Variants in CTNNA3 observed in about 807,000 individuals in gnomAD.
CTNNA3 encodes the protein catenin alpha-3.
A neutral mutation model predicts 95.7 loss-of-function variants in CTNNA3; 76 were observed. That is an observed-to-expected ratio of 0.79 (90% CI 0.66 to 0.96). The LOEUF (loss-of-function observed/expected upper bound fraction) is 0.96, where lower values mean the gene tolerates loss of function less well. Ranked by LOEUF, CTNNA3 falls within the 40% of genes least tolerant of loss-of-function variation. CTNNA3 has a pLI of 0.00. For missense variants in CTNNA3, 1,191 were observed against 1,089.8 expected (o/e 1.09, Z -1.31); for synonymous variants, 431 against 374.4 (o/e 1.15, Z -1.74).
chr10:67,359,239 TA>T (rs958948530), intron 5 of CTNNA3, among the ~76,000 whole-genome samples: 2,253 of 132,794 alleles, frequency 0.017, 14 homozygotes, highest in Middle Eastern at 0.023. Flanking sequence ...GACATAACTT[TA>T]AAAAAAAAAA....
intron 17 of CTNNA3, among the ~76,000 whole-genome samples, chr10:65,924,565 C>G (rs755029127): frequency 6.6e-6 from 1 of 152,128 alleles, no homozygotes; most frequent in Admixed American, 6.6e-5. Flanking sequence ...ATCATTCTAC[C>G]ATTTTGATAA....
chr10:66,824,553 G>A (rs1458570648), intron 7 of CTNNA3, among the ~76,000 whole-genome samples: 1 of 152,172 alleles, frequency 6.6e-6, no homozygotes, highest in Non-Finnish European at 1.5e-5. Flanking sequence ...AGGGGAATAT[G>A]AGGCTTACTG....
At chr10:66,355,318 G>A (rs950846010) in intron 12 of CTNNA3, among the ~76,000 whole-genome samples, 2 of 151,836 alleles carry the variant, frequency 1.3e-5, no homozygotes, top group African/African-American at 2.4e-5. Flanking sequence ...GGTCACATTG[G>A]GAAAATTATT....
intron 7 of CTNNA3, among the ~76,000 whole-genome samples, chr10:66,900,476 A>G (rs1425524183): frequency 6.6e-6 from 1 of 152,240 alleles, no homozygotes; most frequent in African/African-American, 2.4e-5. Context: ...CCCCCAGAGG[A>G]TCACAGCTCC....
intron 10 of CTNNA3, among the ~76,000 whole-genome samples, chr10:66,552,669 A>G (rs1029123315): frequency 7.3e-5 from 11 of 151,352 alleles, no homozygotes; most frequent in Admixed American, 2.0e-4. Flanking sequence ...GATTTTGTAT[A>G]TGTGTTTATT....
chr10:67,134,055 T>G (rs1860170525), intron 7 of CTNNA3, among the ~76,000 whole-genome samples: 1 of 152,130 alleles, frequency 6.6e-6, no homozygotes, highest in Non-Finnish European at 1.5e-5. Flanking sequence ...TGTTACACAG[T>G]TAGTCAGTAG....
At position 67,019,767 on chromosome 10, in the gene CTNNA3, C is replaced by T. The variant is rs540791300; in HGVS notation, c.1047+160550G>A. Among the ~76,000 whole-genome samples, 7 of 152,216 alleles carry T rather than the reference C, an allele frequency of 4.6e-5. No homozygotes were observed. In the South Asian group the frequency reaches 1.5e-3, roughly 32 times the overall value. ...CCTTTGTCTCCATGAATACCATCTA[C>T]CCTGTTTGTCCTATTTGACTTTTGA... On this transcript the variant is annotated intron_variant, in intron 7 of 17. Coordinates refer to ENST00000433211, the MANE Select transcript of CTNNA3 (RefSeq NM_013266.4).
At chr10:66,455,892 CA>C (rs2093492042) in intron 11 of CTNNA3, among the ~76,000 whole-genome samples, 1 of 152,142 alleles carries the variant, frequency 6.6e-6, no homozygotes, top group South Asian at 2.1e-4. Context: ...CAACATACAA[CA>C]AAACAATTTT....
chr10:66,481,662 G>A lies in CTNNA3; in HGVS notation c.1531+38955C>T, dbSNP rs561768496. On this transcript the variant is annotated intron_variant, in intron 11 of 17. Coordinates refer to ENST00000433211, the MANE Select transcript of CTNNA3 (RefSeq NM_013266.4). ...AATTTTTTGTATTTTTAGTAGAGAC[G>A]GGGTTTCACCGTGTTAGCCAGGATG... Among the ~76,000 whole-genome samples, 95 of 136,584 alleles carry A rather than the reference G, an allele frequency of 7.0e-4. 3 individuals are homozygous for A. Among genetic ancestry groups the A allele is most frequent in the Non-Finnish European group, 1.0e-3 (67 of 66,020 alleles). The allele number at this position is 136,584 out of a possible 152,430, so 89.6% of individuals were successfully genotyped here.
chr10:66,049,740 G>T (rs1398376373), intron 15 of CTNNA3, among the ~76,000 whole-genome samples: 3 of 152,014 alleles, frequency 2.0e-5, no homozygotes, highest in South Asian at 2.1e-4. Flanking sequence ...GGAGTTAAAT[G>T]GTAAGAACTT....
In CTNNA3 at chr10:65,916,308, G is replaced by C. The variant is rs1005570699; in HGVS notation, c.*4022C>G. ...TTCCTAAATATACAATAGGCAGGCT[G>C]TCTTGGCAAAAAATAGGCCAACAAA... On this transcript the variant is annotated 3_prime_UTR_variant, in exon 18 of 18. Coordinates refer to ENST00000433211, the MANE Select transcript of CTNNA3 (RefSeq NM_013266.4). The C allele has an allele frequency of 4.6e-5, 7 of 152,066 alleles. No homozygotes were observed. The highest frequency in any genetic ancestry group is 1.0e-4 in the Non-Finnish European group (7 of 68,008). 9.4% of individuals were successfully genotyped at this position (152,066 alleles called of 1,614,324 possible).
At chr10:66,300,206 A>T (rs1019303687) in intron 12 of CTNNA3, among the ~76,000 whole-genome samples, 8 of 152,126 alleles carry the variant, frequency 5.3e-5, no homozygotes, top group South Asian at 2.1e-4. Context: ...ATGAGGAAAA[A>T]TTTTTTAAAA....
In CTNNA3 at chr10:66,998,282, C is replaced by CAT. The variant is rs201445936; in HGVS notation, c.1047+182033_1047+182034dup. Among the ~76,000 whole-genome samples the CAT allele has an allele frequency of 9.0e-3, 1,373 of 152,272 alleles. 20 individuals carry two copies. Among genetic ancestry groups the CAT allele is most frequent in the African/African-American group, 0.031 (1,288 of 41,570 alleles). ...GCCTCCTTACTCTATGTTTACTTAG[C>CAT]ATACACTGTTGTTTTAGTACTAGTT... On this transcript the variant is annotated intron_variant, in intron 7 of 17. Transcript: ENST00000433211.
intron 7 of CTNNA3, among the ~76,000 whole-genome samples, chr10:66,874,967 C>T (rs886072482): frequency 1.2e-4 from 19 of 152,116 alleles, no homozygotes; most frequent in African/African-American, 2.9e-4. Flanking sequence ...CCAAGGTTCA[C>T]GCAAACAAAC....
At chr10:66,156,252 C>T (rs991670453) in intron 13 of CTNNA3, among the ~76,000 whole-genome samples, 4 of 151,758 alleles carry the variant, frequency 2.6e-5, no homozygotes, top group African/African-American at 4.8e-5. Flanking sequence ...AGCTTGCAAC[C>T]GACTAAAGAA....
At chr10:66,763,327 C>T (rs533411045) in intron 9 of CTNNA3, among the ~76,000 whole-genome samples, 3 of 109,120 alleles carry the variant, frequency 2.7e-5, no homozygotes, top group South Asian at 7.1e-4. Flanking sequence ...CACACACACA[C>T]ACACACACAC....
intron 5 of CTNNA3, among the ~76,000 whole-genome samples, chr10:67,464,873 A>AG (rs532765647): frequency 1.4e-5 from 2 of 146,576 alleles, no homozygotes; most frequent in East Asian, 4.5e-4. Context: ...AGAAAAAAAA[A>AG]AAAGAAAAAG....
intron 12 of CTNNA3, among the ~76,000 whole-genome samples, chr10:66,302,287 A>C (rs2091873311): frequency 6.6e-6 from 1 of 152,040 alleles, no homozygotes; most frequent in South Asian, 2.1e-4. Context: ...ATCCCTATCA[A>C]AATTCCAGCC....
chr10:66,148,504 T>C lies in CTNNA3; in HGVS notation c.1885-45255A>G, dbSNP rs566467415. Among the ~76,000 whole-genome samples the C allele has an allele frequency of 5.9e-5, 9 of 152,214 alleles. 1 individual carries two copies. In the South Asian group the frequency reaches 1.9e-3, roughly 32 times the overall value. On this transcript the variant is annotated intron_variant, in intron 13 of 17. Transcript: ENST00000433211. ...GCCCTCGAGGATGGGATTAGTGCCC[T>C]TATCAAAGTGACTGAAGGAGTCCCT...
Sources: gnomAD v4.1 joint callset for allele counts (sites outside exome capture counted in the v4.1 genomes callset) on GRCh38, gnomAD v4.1.1 for gene constraint, MANE v1.5 for transcripts, NCBI Gene and HGNC (gene_info 2026-07-23, HGNC 2026-07-21) for gene names.